The following SYT1 variants were observed in gnomAD, a reference collection of about 807,000 sequenced individuals.
SYT1 encodes the protein synaptotagmin-1.
SYT1 carries 8 observed loss-of-function variants against 44.8 expected under a neutral mutation model. That is an observed-to-expected ratio of 0.18 (90% CI 0.10 to 0.32). The LOEUF (loss-of-function observed/expected upper bound fraction) is 0.32, where lower values mean the gene tolerates loss of function less well. SYT1 is among the 10% of genes least tolerant of loss of function. SYT1 has a pLI of 1.00. For synonymous variants in SYT1, 154 were observed against 188.8 expected, an observed-to-expected ratio of 0.82 and a Z score of 1.51; for missense variants, 286 against 509.3, an observed-to-expected ratio of 0.56 and a Z score of 4.22.
At position 78,917,096 on chromosome 12, in the gene SYT1, T is replaced by C. The variant is rs573291589; in HGVS notation, c.-217+51987T>C. ...CATGCACCACCATGCAGAGCTATTT[T>C]TTTTATATTTTGTAGGAAATAAAAG... On this transcript the variant is annotated intron_variant, in intron 1 of 10. Coordinates refer to ENST00000261205, the MANE Select transcript of SYT1 (RefSeq NM_005639.3). Among the ~76,000 whole-genome samples, 148 of 152,146 alleles carry C rather than the reference T, an allele frequency of 9.7e-4. 2 individuals are homozygous for C. The South Asian group carries it at 0.014, about 15-fold the overall frequency.
chr12:79,350,721 A>G (rs1882863446), intron 8 of SYT1, among the ~76,000 whole-genome samples: 1 of 152,200 alleles, frequency 6.6e-6, no homozygotes, highest in Non-Finnish European at 1.5e-5. Flanking sequence ...AACTTTTGGT[A>G]GACAATTATT....
intron 1 of SYT1, chr12:78,868,805 G>A (rs1873674341): frequency 6.6e-6 from 1 of 151,606 alleles, no homozygotes; most frequent in Non-Finnish European, 1.5e-5. Context: ...AGAGCCTAGA[G>A]TTTTTTTCTT....
intron 9 of SYT1, among the ~76,000 whole-genome samples, chr12:79,406,799 G>A (rs1885258615): frequency 6.6e-6 from 1 of 152,098 alleles, no homozygotes; most frequent in Non-Finnish European, 1.5e-5. Flanking sequence ...CAGAATTGTA[G>A]TGAGAAAGAA....
intron 1 of SYT1, among the ~76,000 whole-genome samples, chr12:78,915,539 A>G (rs765060171): frequency 4.6e-5 from 7 of 152,002 alleles, no homozygotes; most frequent in Non-Finnish European, 1.0e-4. Flanking sequence ...AATTTCCACT[A>G]TTTGAATTTA....
intron 3 of SYT1, among the ~76,000 whole-genome samples, chr12:79,148,490 G>A (rs942260634): frequency 1.8e-4 from 27 of 151,970 alleles, no homozygotes; most frequent in Non-Finnish European, 1.6e-4. Flanking sequence ...TTCAACTAAC[G>A]ATCAGTTATT....
intron 3 of SYT1, among the ~76,000 whole-genome samples, chr12:79,181,380 C>T (rs915089670): frequency 6.6e-6 from 1 of 151,984 alleles, no homozygotes; most frequent in Non-Finnish European, 1.5e-5. Context: ...TTTTATGGAT[C>T]ATATTAGCAG....
chr12:79,038,204 T>C (rs1873272003), intron 2 of SYT1, among the ~76,000 whole-genome samples: 1 of 150,994 alleles, frequency 6.6e-6, no homozygotes, highest in Non-Finnish European at 1.5e-5. Context: ...TATACACATA[T>C]ATATACACAC....
Position 79,438,664 on chromosome 12 carries a change from C to G in SYT1, c.929-5409C>G, listed in dbSNP as rs371804295. On this transcript the variant is annotated intron_variant, in intron 9 of 10. Coordinates refer to ENST00000261205, the MANE Select transcript of SYT1 (RefSeq NM_005639.3). ...CTGATCAAGTAATTACAAAACCAGT[C>G]AAACAAGGTCTATATCCTCTTCCTT... Among the ~76,000 whole-genome samples, 6 of 152,178 alleles carry G rather than the reference C, an allele frequency of 3.9e-5. No individual in the cohort carries two copies. The South Asian group carries it at 6.2e-4, about 16-fold the overall frequency.
intron 3 of SYT1, among the ~76,000 whole-genome samples, chr12:79,084,456 A>G (rs1484608248): frequency 6.6e-6 from 1 of 152,138 alleles, no homozygotes; most frequent in African/African-American, 2.4e-5. Context: ...CCATCATTCT[A>G]TGTAAGGAGA....
chr12:79,171,217 A>G (rs1260736122), intron 3 of SYT1, among the ~76,000 whole-genome samples: 1 of 152,002 alleles, frequency 6.6e-6, no homozygotes, highest in Non-Finnish European at 1.5e-5. Context: ...AGTTTTCTCT[A>G]GTTCTGTAAA....
chr12:78,890,976 C>T (rs1875022200), intron 1 of SYT1, among the ~76,000 whole-genome samples: 1 of 151,926 alleles, frequency 6.6e-6, no homozygotes, highest in Non-Finnish European at 1.5e-5. Context: ...ACATAGCTCA[C>T]TATTTTATTT....
chr12:79,039,226 A>C (rs1384265620), intron 2 of SYT1, among the ~76,000 whole-genome samples: 1 of 152,184 alleles, frequency 6.6e-6, no homozygotes, highest in South Asian at 2.1e-4. Flanking sequence ...TAGATACAAA[A>C]AAACACTAAA....
intron 3 of SYT1, among the ~76,000 whole-genome samples, chr12:79,055,363 G>A (rs1874854414): frequency 1.3e-5 from 2 of 151,946 alleles, no homozygotes; most frequent in Admixed American, 1.3e-4. Flanking sequence ...CTAGTCAAAA[G>A]AGATAAAGTG....
At chr12:78,885,807 A>G (rs1874718835) in intron 1 of SYT1, among the ~76,000 whole-genome samples, 1 of 152,024 alleles carries the variant, frequency 6.6e-6, no homozygotes, top group South Asian at 2.1e-4. Flanking sequence ...TCCAACTTTG[A>G]TATTTTTAAG....
At chr12:79,064,924 G>GAA (rs1166697536) in intron 3 of SYT1, among the ~76,000 whole-genome samples, 17 of 113,098 alleles carry the variant, frequency 1.5e-4, no homozygotes, top group African/African-American at 5.4e-4. Flanking sequence ...CAAAAAAATA[G>GAA]AGAGAAAGAA....
chr12:79,299,594 G>C (rs769760004), intron 8 of SYT1, 43 bp downstream of exon 8: 1 of 1,593,764 alleles, frequency 6.3e-7, no homozygotes, highest in Admixed American at 1.8e-5. Flanking sequence ...AGCTGTACTC[G>C]CCAGTTGCTG....
Position 79,047,365 on chromosome 12 carries a change from A to G in SYT1, c.-18+3A>G, listed in dbSNP as rs1874146703. ...ACTCCAGAATTCCTAATAGAACAGT[A>G]AGTACTTTAATGACACAATGATGAT... On this transcript the variant is annotated splice_donor_region_variant and intron_variant, in intron 3 of 10. Coordinates refer to ENST00000261205, the MANE Select transcript of SYT1 (RefSeq NM_005639.3). The G allele has an allele frequency of 6.6e-6, 1 of 151,872 alleles. No individual in the cohort carries two copies. The highest frequency in any genetic ancestry group is 1.5e-5 in the Non-Finnish European group (1 of 67,784). The allele number at this position is 151,872 out of a possible 1,614,324, so 9.4% of individuals were successfully genotyped here.
At chr12:78,950,440 G>C (rs1447940653) in intron 1 of SYT1, among the ~76,000 whole-genome samples, 1 of 152,058 alleles carries the variant, frequency 6.6e-6, no homozygotes, top group Non-Finnish European at 1.5e-5. Flanking sequence ...ATAAGCCTCT[G>C]TGATATGAGG....
intron 3 of SYT1, among the ~76,000 whole-genome samples, chr12:79,100,824 G>C (rs966361422): frequency 1.3e-5 from 2 of 151,908 alleles, no homozygotes; most frequent in African/African-American, 4.8e-5. Context: ...ACACATAAAT[G>C]TATAATAACT....
Sources: gnomAD v4.1 joint callset for allele counts (sites outside exome capture counted in the v4.1 genomes callset) on GRCh38, gnomAD v4.1.1 for gene constraint, MANE v1.5 for transcripts, NCBI Gene and HGNC (gene_info 2026-07-23, HGNC 2026-07-21) for gene names.